LRFN2: variants seen among roughly 807,000 people sequenced by gnomAD.
The protein encoded by LRFN2 is leucine rich repeat and fibronectin type III domain containing 2.
A neutral mutation model predicts 37.3 loss-of-function variants in LRFN2; 18 were observed. The observed-to-expected ratio is 0.48, with a 90% CI of 0.33 to 0.72. The LOEUF (loss-of-function observed/expected upper bound fraction) is 0.72, where lower values mean the gene tolerates loss of function less well. Among genes scored for constraint, LRFN2 ranks in the 30% least tolerant of loss-of-function variants. The pLI is 0.02. For missense variants in LRFN2, 1,006 were observed against 1,060.7 expected (o/e 0.95, Z 0.72); for synonymous variants, 556 against 466.6 (o/e 1.19, Z -2.47).
At chr6:40,536,410 T>A (rs1007429295) in intron 1 of LRFN2, among the ~76,000 whole-genome samples, 1 of 152,112 alleles carries the variant, frequency 6.6e-6, no homozygotes, top group East Asian at 1.9e-4. Context: ...ACCCAGAACA[T>A]GTATTACACA....
intron 1 of LRFN2, among the ~76,000 whole-genome samples, chr6:40,480,199 T>C (rs1394140414): frequency 1.3e-5 from 2 of 152,252 alleles, no homozygotes; most frequent in African/African-American, 4.8e-5. Flanking sequence ...TGGCTCCATT[T>C]ACATGGCTAG....
chr6:40,481,476 A>G (rs539622206), intron 1 of LRFN2, among the ~76,000 whole-genome samples: 1 of 152,150 alleles, frequency 6.6e-6, no homozygotes, highest in Admixed American at 6.5e-5. Flanking sequence ...GAAAAGAAAA[A>G]AGAAAACCAT....
At chr6:40,523,544 C>T (rs1766153074) in intron 1 of LRFN2, among the ~76,000 whole-genome samples, 1 of 128,058 alleles carries the variant, frequency 7.8e-6, no homozygotes, top group African/African-American at 3.0e-5. Flanking sequence ...TTACCGATAG[C>T]CCTATGAAGA....
intron 1 of LRFN2, among the ~76,000 whole-genome samples, chr6:40,541,832 CTCCCCA>C (rs1022663872): frequency 2.6e-5 from 4 of 152,248 alleles, no homozygotes; most frequent in African/African-American, 4.8e-5. Context: ...CCAGCACCCC[CTCCCCA>C]TAGACACATG....
chr6:40,410,636 T>A (rs1762946666), intron 2 of LRFN2, among the ~76,000 whole-genome samples: 1 of 152,252 alleles, frequency 6.6e-6, no homozygotes, highest in Non-Finnish European at 1.5e-5. Context: ...ATATAGTGAA[T>A]GCTTACATAC....
intron 1 of LRFN2, among the ~76,000 whole-genome samples, chr6:40,536,641 C>T (rs754326664): frequency 3.3e-5 from 5 of 152,174 alleles, no homozygotes; most frequent in African/African-American, 4.8e-5. Flanking sequence ...ACTCAGGACC[C>T]GTCCCGCAGA....
intron 1 of LRFN2, among the ~76,000 whole-genome samples, chr6:40,510,177 C>T (rs1204141536): frequency 1.3e-5 from 2 of 151,750 alleles, no homozygotes; most frequent in Admixed American, 1.3e-4. Flanking sequence ...TGGGTGCATG[C>T]ATGTGGGTAT....
At chr6:40,452,490 GATT>G (rs1300386274) in intron 1 of LRFN2, among the ~76,000 whole-genome samples, 1 of 152,196 alleles carries the variant, frequency 6.6e-6, no homozygotes, top group Non-Finnish European at 1.5e-5. Context: ...AGCACTGCTG[GATT>G]ATTACTTCAG....
At chr6:40,451,099 C>T (rs1764093159) in intron 1 of LRFN2, among the ~76,000 whole-genome samples, 1 of 152,196 alleles carries the variant, frequency 6.6e-6, no homozygotes, top group Non-Finnish European at 1.5e-5. Flanking sequence ...GTGATATAAT[C>T]TAGGAGAGGA....
chr6:40,585,127 C>A (rs1277580370), intron 1 of LRFN2, among the ~76,000 whole-genome samples: 1 of 152,168 alleles, frequency 6.6e-6, no homozygotes, highest in Non-Finnish European at 1.5e-5. Flanking sequence ...CCCAGTTCTT[C>A]TAGACAGGAG....
chr6:40,482,486 A>C (rs1764855194), intron 1 of LRFN2, among the ~76,000 whole-genome samples: 1 of 152,180 alleles, frequency 6.6e-6, no homozygotes, highest in South Asian at 2.1e-4. Flanking sequence ...CTGCCTGCCC[A>C]GCCATCTCCA....
chr6:40,432,761 T>C lies in LRFN2; in HGVS notation c.353A>G (p.Asp118Gly), dbSNP rs1204665330. The C allele has an allele frequency of 1.2e-6, 2 of 1,614,158 alleles. No homozygotes were observed. Among genetic ancestry groups the C allele is most frequent in the Admixed American group, 3.3e-5 (2 of 60,022 alleles). ...CAGGTTGACCAGGCCCCGGAGGGTGTCCTCCCCAAGGCTTGGCAGCCGATT... is the reference window on the plus strand; with the variant it reads ...CAGGTTGACCAGGCCCCGGAGGGTGCCCTCCCCAAGGCTTGGCAGCCGATT... ...DSNRLPSLGEDTLRGLVNLQH... is the reference protein window; with the variant it reads ...DSNRLPSLGEGTLRGLVNLQH... Residue 118 changes from aspartate to glycine, a missense_variant, in exon 2 of 3, where the codon GAC (aspartate) becomes GGC (glycine). Coordinates refer to ENST00000338305, the MANE Select transcript of LRFN2 (RefSeq NM_020737.3).
rs61745019 is a variant in LRFN2 at position 40,392,461 on chromosome 6, C to A, written c.1852G>T (p.Ala618Ser). 3.9e-4 allele frequency: 614 copies of A among 1,567,400 alleles called. 1 individual carries two copies. The highest frequency in any genetic ancestry group is 4.7e-4 in the Non-Finnish European group (549 of 1,156,308). ...LLDFTASLAR[A>S]SDSSSSSSLG... ...GAGCTGGAGGAAGAGGAGTCACTGG[C>A]GCGGGCCAGGCTGGCGGTGAAGTCC... is the stretch of plus-strand genomic sequence containing the variant. The change falls in exon 3 of 3, where the codon GCC (alanine) becomes TCC (serine). Residue 618 changes from alanine to serine, a missense_variant. Ala to Ser is a moderately conservative substitution (Grantham distance 99, BLOSUM62 1). Around this residue, in one of 4 missense-constraint regions of LRFN2, gnomAD observed 398 missense variants for 327.6 expected, o/e 1.21. Coordinates refer to ENST00000338305, the MANE Select transcript of LRFN2 (RefSeq NM_020737.3). This position sits in a 1 kb window ranked among gnomAD's most constrained non-coding sequence, Gnocchi z 4.7.
At chr6:40,536,955 T>C (rs564577975) in intron 1 of LRFN2, among the ~76,000 whole-genome samples, 4 of 152,312 alleles carry the variant, frequency 2.6e-5, no homozygotes, top group Admixed American at 2.0e-4. Flanking sequence ...CAAGCTTTCT[T>C]AAACCTCACC....
chr6:40,565,227 A>C (rs955262495), intron 1 of LRFN2, among the ~76,000 whole-genome samples: 2 of 152,182 alleles, frequency 1.3e-5, no homozygotes, highest in African/African-American at 2.4e-5. Context: ...GCTCAATGAA[A>C]TAAAAGAGGA....
At chr6:40,497,529 C>T (rs898160971) in intron 1 of LRFN2, among the ~76,000 whole-genome samples, 6 of 152,174 alleles carry the variant, frequency 3.9e-5, no homozygotes, top group East Asian at 3.9e-4. Flanking sequence ...CTCAGGCACC[C>T]GTTACCATAT....
At chr6:40,418,541 T>A (rs1284923759) in intron 2 of LRFN2, among the ~76,000 whole-genome samples, 5 of 152,160 alleles carry the variant, frequency 3.3e-5, no homozygotes, top group Admixed American at 3.3e-4. Context: ...ATTGACTGAA[T>A]AAATGAATAT....
chr6:40,545,833 T>C (rs1396316417), intron 1 of LRFN2, among the ~76,000 whole-genome samples: 1 of 152,128 alleles, frequency 6.6e-6, no homozygotes, highest in East Asian at 1.9e-4. Context: ...GCTGCCAACA[T>C]CCTTTGGCCC....
At chr6:40,541,536 G>A (rs1288041546) in intron 1 of LRFN2, among the ~76,000 whole-genome samples, 1 of 152,196 alleles carries the variant, frequency 6.6e-6, no homozygotes, top group Non-Finnish European at 1.5e-5. Context: ...CGGGGGTAGA[G>A]GCAAACCATA....
Sources: allele counts gnomAD v4.1 joint callset (sites outside exome capture counted in the v4.1 genomes callset), GRCh38; gene constraint gnomAD v4.1.1; regional missense constraint gnomAD v4.1.1; non-coding constraint Gnocchi (gnomAD v3.1); transcripts MANE v1.5; gene names NCBI Gene and HGNC (gene_info 2026-07-23, HGNC 2026-07-21).